Variants in KIAA1217 observed in about 807,000 individuals in gnomAD.
The protein encoded by KIAA1217 is KIAA1217, also known as sickle tail protein homolog.
KIAA1217 carries 88 observed loss-of-function variants against 163.9 expected under a neutral mutation model. The observed-to-expected ratio is 0.54, with a 90% CI of 0.45 to 0.64. The LOEUF (loss-of-function observed/expected upper bound fraction) is 0.64, where lower values mean the gene tolerates loss of function less well. Ranked by LOEUF, KIAA1217 falls within the 30% of genes least tolerant of loss-of-function variation. The pLI, the probability that KIAA1217 is intolerant of heterozygous loss-of-function variation, is 0.00. For missense variants in KIAA1217, 2,372 were observed against 2,475.0 expected (o/e 0.96, Z 0.88); for synonymous variants, 903 against 923.1 (o/e 0.98, Z 0.39).
intron 1 of KIAA1217, among the ~76,000 whole-genome samples, chr10:23,959,999 T>C (rs1844754177): frequency 7.0e-6 from 1 of 142,792 alleles, no homozygotes; most frequent in Non-Finnish European, 1.5e-5. Context: ...CACCGCAAGC[T>C]CCTCCTCCCG....
intron 1 of KIAA1217, among the ~76,000 whole-genome samples, chr10:23,914,375 C>T (rs937422717): frequency 5.3e-5 from 8 of 152,162 alleles, no homozygotes; most frequent in Non-Finnish European, 7.3e-5. Flanking sequence ...AGTGTAGTGG[C>T]ACAGTCATAG....
intron 4 of KIAA1217, 104 bp downstream of exon 4, chr10:24,433,297 TTA>T (rs1186876676): frequency 1.2e-6 from 1 of 803,996 alleles, no homozygotes; most frequent in African/African-American, 1.8e-5. Context: ...TATATTGCAT[TTA>T]GAGTGTTTTT....
At chr10:23,795,976 A>G (rs1421589735) in intron 1 of KIAA1217, among the ~76,000 whole-genome samples, 1 of 152,178 alleles carries the variant, frequency 6.6e-6, no homozygotes, top group African/African-American at 2.4e-5. Context: ...TTTCAAGGCT[A>G]AGTGCCTGGA....
intron 1 of KIAA1217, among the ~76,000 whole-genome samples, chr10:23,900,528 A>G (rs1841914565): frequency 6.6e-6 from 1 of 152,106 alleles, no homozygotes; most frequent in African/African-American, 2.4e-5. Flanking sequence ...ATAGATGATC[A>G]TTGGATATTT....
At chr10:23,895,663 AATTATGCTGCTATAAAG>A (rs1841652633) in intron 1 of KIAA1217, among the ~76,000 whole-genome samples, 1 of 152,112 alleles carries the variant, frequency 6.6e-6, no homozygotes, top group Non-Finnish European at 1.5e-5. Context: ...AAGGACTGTA[AATTATGCTGCTATAAAG>A]ACACATGCAC....
At chr10:24,209,111 C>G, upstream of KIAA1217, 1 of 1,248,702 alleles carries the variant, frequency 8.0e-7, no homozygotes, top group Non-Finnish European at 1.2e-6. Flanking sequence ...CCCCGGGCCC[C>G]CTCCCAGGCG....
rs537138282 is a variant in KIAA1217 at position 24,239,616 on chromosome 10, G to T, written c.354+19707G>T. 3.3e-3 allele frequency among the ~76,000 whole-genome samples: 503 copies of T among 151,380 alleles called. 3 individuals carry two copies. Among genetic ancestry groups the T allele is most frequent in the Admixed American group, 5.1e-3 (78 of 15,150 alleles). On this transcript the variant is annotated intron_variant, in intron 2 of 20. Coordinates refer to ENST00000376454, the MANE Select transcript of KIAA1217 (RefSeq NM_019590.5). Reference sequence around the variant, plus strand: ...CTGCTATAAAAGTGCCACAGATAAGGGTTAGATGGACAATCTGAAAATTGA... The same window carrying T: ...CTGCTATAAAAGTGCCACAGATAAGTGTTAGATGGACAATCTGAAAATTGA...
At chr10:23,755,397 A>G (rs572119973) in intron 1 of KIAA1217, among the ~76,000 whole-genome samples, 1 of 152,328 alleles carries the variant, frequency 6.6e-6, no homozygotes, top group Admixed American at 6.5e-5. Context: ...CGCAGGCATA[A>G]TAATCTTGTC....
chr10:24,544,631 A>G, intron 19 of KIAA1217, 150 bp downstream of exon 19: 1 of 932,468 alleles, frequency 1.1e-6, no homozygotes, highest in Non-Finnish European at 1.6e-6. Context: ...CTTCTTTCAT[A>G]CTTTCTCCCT....
At position 24,466,962 on chromosome 10, in the gene KIAA1217, A is replaced by T. The variant is rs908991081; in HGVS notation, c.847-6266A>T. Among the ~76,000 whole-genome samples the T allele has an allele frequency of 1.1e-4, 16 of 150,700 alleles. No individual in the cohort carries two copies. In the South Asian group the frequency reaches 3.1e-3, roughly 30 times the overall value. On this transcript the variant is annotated intron_variant, in intron 5 of 20. Coordinates refer to ENST00000376454, the MANE Select transcript of KIAA1217 (RefSeq NM_019590.5). ...TACATAATATTCCTTTTCCACAAGC[A>T]ATATATATATATATAAATGCTCCAC...
intron 1 of KIAA1217, among the ~76,000 whole-genome samples, chr10:23,966,051 A>C (rs894583332): frequency 6.6e-6 from 1 of 152,170 alleles, no homozygotes; most frequent in Non-Finnish European, 1.5e-5. Context: ...GCTGCTGAGC[A>C]CATCCCTGCT....
intron 1 of KIAA1217, among the ~76,000 whole-genome samples, chr10:23,724,374 T>C (rs1838024153): frequency 6.6e-6 from 1 of 152,250 alleles, no homozygotes; most frequent in African/African-American, 2.4e-5. Context: ...GTTATTTCTG[T>C]ATATATTTTT....
intron 1 of KIAA1217, among the ~76,000 whole-genome samples, chr10:23,824,657 A>AT (rs1564453918): frequency 1.7e-3 from 174 of 103,196 alleles, no homozygotes; most frequent in Admixed American, 4.8e-3. Flanking sequence ...AAAATAAAAA[A>AT]AATATATATA....
chr10:23,794,543 C>G (rs1473914364), intron 1 of KIAA1217, among the ~76,000 whole-genome samples: 1 of 152,194 alleles, frequency 6.6e-6, no homozygotes, highest in Non-Finnish European at 1.5e-5. Flanking sequence ...TTGCAGTTAT[C>G]TCTTTTAGCG....
At chr10:24,214,459 AAG>A (rs2068559766) in intron 1 of KIAA1217, among the ~76,000 whole-genome samples, 1 of 152,120 alleles carries the variant, frequency 6.6e-6, no homozygotes, top group Non-Finnish European at 1.5e-5. Context: ...CCAAAGAGTA[AAG>A]AGAGAGAGAA....
At chr10:24,490,264 T>G (rs2065942703) in intron 6 of KIAA1217, among the ~76,000 whole-genome samples, 1 of 152,234 alleles carries the variant, frequency 6.6e-6, no homozygotes, top group South Asian at 2.1e-4. Context: ...AGTAATTGTA[T>G]CAGTCCTGTC....
chr10:23,985,824 G>T (rs940091391), intron 1 of KIAA1217, among the ~76,000 whole-genome samples: 2 of 152,092 alleles, frequency 1.3e-5, no homozygotes, highest in Non-Finnish European at 1.5e-5. Flanking sequence ...AGAGGAGAAG[G>T]TTGTCACTGT....
intron 17 of KIAA1217, among the ~76,000 whole-genome samples, chr10:24,540,579 A>G (rs1407402445): frequency 6.6e-6 from 1 of 152,066 alleles, no homozygotes; most frequent in Admixed American, 6.6e-5. Flanking sequence ...CAACCAACAG[A>G]CACCAGCCCT....
rs564598068 is a variant in KIAA1217, at chr10:24,169,812, T to C, written c.-170-49814T>C. On this transcript the variant is annotated intron_variant, in intron 2 of 18. Coordinates refer to the KIAA1217 transcript ENST00000376462. Reference sequence around the variant, plus strand: ...GGTTTCCATGGCAACCCATATAAAGTGCCTCTGACCCTGAGCAATTTATAG... The same window carrying C: ...GGTTTCCATGGCAACCCATATAAAGCGCCTCTGACCCTGAGCAATTTATAG... Among the ~76,000 whole-genome samples, 9 of 152,208 alleles carry C rather than the reference T, an allele frequency of 5.9e-5. No homozygotes were observed. In the East Asian group the frequency reaches 1.7e-3, roughly 29 times the overall value.
Sources: gnomAD v4.1 joint callset for allele counts (sites outside exome capture counted in the v4.1 genomes callset) on GRCh38, gnomAD v4.1.1 for gene constraint, MANE v1.5 for transcripts, NCBI Gene and HGNC (gene_info 2026-07-23, HGNC 2026-07-21) for gene names.